The following WRAP73 variants were observed in gnomAD, a reference collection of about 807,000 sequenced individuals.
WRAP73 encodes WD repeat containing, antisense to TP73, also known as WD repeat-containing protein WRAP73.
WRAP73 carries 55 observed loss-of-function variants against 59.6 expected under a neutral mutation model. That is an observed-to-expected ratio of 0.92 (90% CI 0.74 to 1.15). The LOEUF (loss-of-function observed/expected upper bound fraction) is 1.15. Ranked by LOEUF, WRAP73 falls within the 50% of genes most tolerant of loss-of-function variation. WRAP73 has a pLI of 0.00. For synonymous variants in WRAP73, 265 were observed against 258.2 expected, an observed-to-expected ratio of 1.03 and a Z score of -0.25; for missense variants, 592 against 608.1, an observed-to-expected ratio of 0.97 and a Z score of 0.28.
intron 3 of WRAP73, among the ~76,000 whole-genome samples, chr1:3,644,323 G>A (rs1467347711): frequency 3.2e-5 from 3 of 93,458 alleles, no homozygotes; most frequent in African/African-American, 5.5e-5. Flanking sequence ...GGGACCCAGC[G>A]GCCCCGCTGA....
At chr1:3,647,660 C>T (rs989277198) in intron 1 of WRAP73, 100 bp from the exon 2 acceptor site, 2 of 1,359,230 alleles carry the variant, frequency 1.5e-6, no homozygotes, top group Admixed American at 4.6e-5. Flanking sequence ...GTGGCCTTCT[C>T]TCCTGCCAGA....
chr1:3,644,373 T>C (rs12737247), intron 3 of WRAP73, among the ~76,000 whole-genome samples: 4,631 of 27,640 alleles, frequency 0.17, 888 homozygotes, highest in African/African-American at 0.47. Context: ...GGGGATCCAG[T>C]GGCCCCGCTG....
At chr1:3,649,148 GT>G (rs958485923) in intron 1 of WRAP73, among the ~76,000 whole-genome samples, 2 of 152,140 alleles carry the variant, frequency 1.3e-5, no homozygotes, top group Non-Finnish European at 2.9e-5. Context: ...AGGCATCCGG[GT>G]TATCCCTCTC....
intron 10 of WRAP73, chr1:3,631,912 A>T: frequency 7.2e-7 from 1 of 1,391,826 alleles, no homozygotes; most frequent in Non-Finnish European, 9.3e-7. Context: ...AGCCCTTTAC[A>T]AATGGAGAAA....
intron 1 of WRAP73, 34 bp downstream of exon 1, chr1:3,649,897 T>C (rs902904134): frequency 6.3e-7 from 1 of 1,577,090 alleles, no homozygotes; most frequent in Non-Finnish European, 8.6e-7. Context: ...GCACCGAGGA[T>C]GTCCTGCCCG....
intron 3 of WRAP73, among the ~76,000 whole-genome samples, chr1:3,643,586 G>A (rs190231427): frequency 0.011 from 1,492 of 140,016 alleles, 12 homozygotes; most frequent in Middle Eastern, 0.027. Flanking sequence ...AAATGGGGTC[G>A]CGCCTTCGGA....
At chr1:3,635,436 C>G in intron 6 of WRAP73, 142 bp from the exon 7 acceptor site, 2 of 1,120,102 alleles carry the variant, frequency 1.8e-6, no homozygotes, top group Non-Finnish European at 2.5e-6. Flanking sequence ...AAAGCTGGAA[C>G]TGCCAGCTAG....
chr1:3,640,785 G>A (rs761808575), intron 3 of WRAP73, among the ~76,000 whole-genome samples: 17 of 152,076 alleles, frequency 1.1e-4, no homozygotes, highest in Admixed American at 2.0e-4. Flanking sequence ...TGCAGCGCCC[G>A]AGCCTCTCAG....
intron 3 of WRAP73, among the ~76,000 whole-genome samples, chr1:3,640,781 GC>G (rs1295008922): frequency 2.0e-5 from 3 of 151,682 alleles, no homozygotes; most frequent in Non-Finnish European, 4.4e-5. Flanking sequence ...GGGGTGCAGC[GC>G]CCGAGCCTCT....
At chr1:3,631,192 T>C (rs1644529036) in intron 11 of WRAP73, 75 bp from the exon 12 acceptor site, 8 of 1,595,768 alleles carry the variant, frequency 5.0e-6, no homozygotes, top group Non-Finnish European at 5.1e-6. Flanking sequence ...CCCCTTGTCC[T>C]GCAGGCCAGC....
chr1:3,647,205 T>C (rs973387560), intron 2 of WRAP73: 21 of 589,094 alleles, frequency 3.6e-5, no homozygotes, highest in African/African-American at 9.6e-5. Context: ...GTTTCTCAAC[T>C]ATATTGCTTA....
intron 1 of WRAP73, among the ~76,000 whole-genome samples, chr1:3,647,984 T>A (rs1644706762): frequency 6.6e-6 from 1 of 152,194 alleles, no homozygotes; most frequent in East Asian, 1.9e-4. Flanking sequence ...GGGTAAGAAT[T>A]GAGGCTTCAC....
In WRAP73 at chr1:3,635,284, A is replaced by G. The variant is rs1035830533; in HGVS notation, c.614T>C (p.Leu205Pro). 4 of 1,613,746 alleles carry G rather than the reference A, an allele frequency of 2.5e-6. No homozygotes were observed. The highest frequency in any genetic ancestry group is 1.1e-5 in the South Asian group (1 of 91,090). Residue 205 changes from leucine (L) to proline (P), a missense_variant, in exon 7 of 12, where the codon CTG becomes CCG. Leu to Pro is a moderately conservative substitution (Grantham distance 98, BLOSUM62 -3). Coordinates refer to ENST00000270708, the MANE Select transcript of WRAP73 (RefSeq NM_017818.4). ...CAACCGGCCATCCAATGAGTACAGC[A>G]GAATCTTGTACTGCAGATGAGACAT... The part of the protein sequence containing the change: ...VWDTCLEYKI[L>P]LYSLDGRLLS...
rs1481280202 is a variant in WRAP73 at position 3,630,858 on chromosome 1, T to C, written c.*117A>G. 8 of 1,357,358 alleles carry C rather than the reference T, an allele frequency of 5.9e-6. No homozygotes were observed. Among genetic ancestry groups the C allele is most frequent in the African/African-American group, 1.5e-5 (1 of 68,464 alleles). The allele number at this position is 1,357,358 out of a possible 1,614,324, so 84.1% of individuals were successfully genotyped here. ...ACAAAAATGCTTTGCTATAGAAAAA[T>C]AGAATCAATCACTGAATCCAGACCA... On this transcript the variant is annotated 3_prime_UTR_variant, in exon 12 of 12. Coordinates refer to ENST00000270708, the MANE Select transcript of WRAP73 (RefSeq NM_017818.4).
intron 3 of WRAP73, among the ~76,000 whole-genome samples, chr1:3,644,547 C>T (rs1211848354): frequency 6.6e-6 from 1 of 152,244 alleles, no homozygotes; most frequent in African/African-American, 2.4e-5. Context: ...TCACTTGCAA[C>T]CATTAAAGTT....
intron 5 of WRAP73, 33 bp from the exon 6 acceptor site, chr1:3,636,063 G>T (rs1274754069): frequency 1.3e-6 from 2 of 1,520,552 alleles, no homozygotes; most frequent in Non-Finnish European, 1.8e-6. Context: ...CATTAAATTT[G>T]GAAAATATTT....
chr1:3,647,693 T>A, intron 1 of WRAP73, 133 bp from the exon 2 acceptor site: 1 of 923,896 alleles, frequency 1.1e-6, no homozygotes, highest in Non-Finnish European at 1.6e-6. Context: ...AGATCACCAG[T>A]GACATCCCCA....
At chr1:3,631,167 C>T (rs759069499) in intron 11 of WRAP73, 50 bp from the exon 12 acceptor site, 16 of 1,609,222 alleles carry the variant, frequency 9.9e-6, no homozygotes, top group Non-Finnish European at 1.0e-5. Flanking sequence ...GGCCCAGATT[C>T]TGGGGGATGG....
chr1:3,643,432 A>G (rs1368156541), intron 3 of WRAP73, among the ~76,000 whole-genome samples: 1 of 152,224 alleles, frequency 6.6e-6, no homozygotes, highest in African/African-American at 2.4e-5. Context: ...GCCGCTTTTG[A>G]TGACTCACTG....
Sources: gnomAD v4.1 joint callset for allele counts (sites outside exome capture counted in the v4.1 genomes callset) on GRCh38, gnomAD v4.1.1 for gene constraint, MANE v1.5 for transcripts, NCBI Gene and HGNC (gene_info 2026-07-23, HGNC 2026-07-21) for gene names.